PTPRD: variants seen among roughly 807,000 people sequenced by gnomAD.
PTPRD encodes the protein protein tyrosine phosphatase receptor type D, also known as receptor-type tyrosine-protein phosphatase delta.
In PTPRD, 34 loss-of-function variants were observed where a neutral mutation model predicts 214.5. That is an observed-to-expected ratio of 0.16 (90% CI 0.12 to 0.21). PTPRD has a LOEUF of 0.21. Among genes scored for constraint, PTPRD ranks in the 10% least tolerant of loss-of-function variants. The pLI is 1.00. For missense variants in PTPRD, 2,545 were observed against 2,398.7 expected (o/e 1.06, Z -1.27); for synonymous variants, 1,128 against 845.7 (o/e 1.33, Z -5.79).
chr9:8,844,908 C>A (rs2097655553), intron 11 of PTPRD, among the ~76,000 whole-genome samples: 1 of 152,100 alleles, frequency 6.6e-6, no homozygotes, highest in African/African-American at 2.4e-5. Flanking sequence ...CTTTTTTCCA[C>A]ATGACAACAT....
At chr9:8,695,101 G>C (rs1387232164) in intron 12 of PTPRD, among the ~76,000 whole-genome samples, 1 of 152,086 alleles carries the variant, frequency 6.6e-6, no homozygotes, top group Non-Finnish European at 1.5e-5. Context: ...TCATTGTGCT[G>C]GTTTGTCTCC....
intron 10 of PTPRD, among the ~76,000 whole-genome samples, chr9:9,173,195 T>A (rs976286418): frequency 3.3e-5 from 5 of 152,196 alleles, no homozygotes; most frequent in African/African-American, 1.2e-4. Context: ...CACTCCTTAC[T>A]TTCTTCAGAG....
At chr9:8,838,027 C>T (rs893790997) in intron 11 of PTPRD, among the ~76,000 whole-genome samples, 5 of 151,958 alleles carry the variant, frequency 3.3e-5, no homozygotes, top group Non-Finnish European at 5.9e-5. Context: ...TAAGAGTCAA[C>T]TGAAGTTCAT....
intron 4 of PTPRD, among the ~76,000 whole-genome samples, chr9:9,952,129 A>C (rs2093512265): frequency 6.6e-6 from 1 of 152,196 alleles, no homozygotes; most frequent in Non-Finnish European, 1.5e-5. Flanking sequence ...ACCACCTGAA[A>C]GTTATGTGCC....
intron 2 of PTPRD, among the ~76,000 whole-genome samples, chr9:10,516,818 G>T (rs2784602): frequency 6.6e-6 from 1 of 151,560 alleles, no homozygotes; most frequent in African/African-American, 2.4e-5. Flanking sequence ...AGCACCATTT[G>T]CTGAAGAAAC....
chr9:10,589,183 T>C (rs1287981553), intron 2 of PTPRD, among the ~76,000 whole-genome samples: 2 of 152,004 alleles, frequency 1.3e-5, no homozygotes, highest in African/African-American at 4.8e-5. Flanking sequence ...CATTAACCTA[T>C]AAAAGGATTT....
intron 3 of PTPRD, among the ~76,000 whole-genome samples, chr9:10,151,907 A>G (rs2099063549): frequency 6.6e-6 from 1 of 152,176 alleles, no homozygotes; most frequent in Non-Finnish European, 1.5e-5. Context: ...GTACTATCCT[A>G]TGCTATGGAT....
At chr9:8,523,396 A>ACATAC (rs748105340) in intron 19 of PTPRD, 117 bp downstream of exon 19, 15 of 1,255,628 alleles carry the variant, frequency 1.2e-5, no homozygotes, top group Non-Finnish European at 1.7e-5. Flanking sequence ...CTCTGCTAAA[A>ACATAC]CATACCATTA....
At chr9:10,486,816 T>A (rs2099135893) in intron 2 of PTPRD, among the ~76,000 whole-genome samples, 1 of 152,212 alleles carries the variant, frequency 6.6e-6, no homozygotes, top group African/African-American at 2.4e-5. Flanking sequence ...GTTTATTAGT[T>A]CCATTTGGTC....
At chr9:9,871,774 G>C (rs544842571) in intron 5 of PTPRD, among the ~76,000 whole-genome samples, 2 of 152,246 alleles carry the variant, frequency 1.3e-5, no homozygotes, top group South Asian at 4.1e-4. Flanking sequence ...CTCATGGGCA[G>C]AGGGTAAGCA....
In PTPRD at chr9:10,560,121, C is replaced by T. The variant is rs1036861107; in HGVS notation, c.-600+52277G>A. On this transcript the variant is annotated intron_variant, in intron 2 of 45. Transcript: ENST00000381196. The stretch of plus-strand genomic sequence containing the variant: ...AACACATGCACACGTATGTTTATCG[C>T]GGCACTATTCACAATAGCAAAGACA... Among the ~76,000 whole-genome samples the T allele has an allele frequency of 1.6e-4, 25 of 152,168 alleles. 1 individual carries two copies. Among genetic ancestry groups the T allele is most frequent in the Middle Eastern group, 3.4e-3 (1 of 294 alleles).
intron 22 of PTPRD, among the ~76,000 whole-genome samples, chr9:8,507,017 T>C (rs1280754222): frequency 6.6e-6 from 1 of 152,128 alleles, no homozygotes; most frequent in Non-Finnish European, 1.5e-5. Flanking sequence ...CTGATACATC[T>C]ATGGAACTTG....
chr9:8,544,109 C>A (rs2079197228), intron 14 of PTPRD, among the ~76,000 whole-genome samples: 1 of 151,294 alleles, frequency 6.6e-6, no homozygotes, highest in African/African-American at 2.4e-5. Flanking sequence ...TTGCTGGGAA[C>A]CTATTGGGTA....
At chr9:8,929,691 GTATATATATA>G (rs1391878138) in intron 11 of PTPRD, among the ~76,000 whole-genome samples, 1 of 106,976 alleles carries the variant, frequency 9.3e-6, no homozygotes, top group Non-Finnish European at 2.3e-5. Context: ...TTATATATGT[GTATATATATA>G]TGTGTATATA....
At chr9:9,374,786 T>C (rs947543627) in intron 9 of PTPRD, among the ~76,000 whole-genome samples, 13 of 152,136 alleles carry the variant, frequency 8.5e-5, no homozygotes, top group African/African-American at 2.9e-4. Flanking sequence ...TTGTCTTACA[T>C]TGGGCAAGGT....
At chr9:9,731,839 G>C (rs140901902) in intron 7 of PTPRD, among the ~76,000 whole-genome samples, 83 of 152,182 alleles carry the variant, frequency 5.5e-4, no homozygotes, top group Middle Eastern at 3.4e-3. Context: ...AAATATTGAG[G>C]AACTACTAAA....
At chr9:9,506,052 A>C (rs1590124151) in intron 8 of PTPRD, among the ~76,000 whole-genome samples, 1 of 151,504 alleles carries the variant, frequency 6.6e-6, no homozygotes, top group East Asian at 1.9e-4. Context: ...GATAAATAAA[A>C]ATAAAAATAA....
At chr9:10,509,464 T>A (rs1176189522) in intron 2 of PTPRD, among the ~76,000 whole-genome samples, 2 of 92,368 alleles carry the variant, frequency 2.2e-5, no homozygotes, top group Non-Finnish European at 4.6e-5. Context: ...GCCCTTTTGA[T>A]TGATCCATCT....
At chr9:10,013,158 T>A (rs557977305) in intron 4 of PTPRD, among the ~76,000 whole-genome samples, 3 of 151,960 alleles carry the variant, frequency 2.0e-5, no homozygotes, top group East Asian at 3.9e-4. Context: ...ACAATAAGTC[T>A]TTATTGTCAT....
Sources: allele counts gnomAD v4.1 joint callset (sites outside exome capture counted in the v4.1 genomes callset), GRCh38; gene constraint gnomAD v4.1.1; transcripts MANE v1.5; gene names NCBI Gene and HGNC (gene_info 2026-07-23, HGNC 2026-07-21).